Variants in SLC5A9 observed in about 807,000 individuals in gnomAD.
SLC5A9 encodes the protein solute carrier family 5 member 9.
SLC5A9 carries 59 observed loss-of-function variants against 70.9 expected under a neutral mutation model. The observed-to-expected ratio is 0.83, with a 90% CI of 0.68 to 1.03. The LOEUF is 1.03. Among genes scored for constraint, SLC5A9 ranks in the 50% least tolerant of loss-of-function variants. The probability of loss-of-function intolerance (pLI) is 0.00; values close to 1 mark genes in which losing one functional copy is unlikely to be tolerated. For missense variants in SLC5A9, 832 were observed against 881.1 expected (o/e 0.94, Z 0.71); for synonymous variants, 340 against 346.5 (o/e 0.98, Z 0.21).
At position 48,222,814 on chromosome 1, in the gene SLC5A9, A is replaced by T; in HGVS notation, c.78A>T (p.Ala26=). 6.2e-7 allele frequency: 1 copy of T among 1,614,132 alleles called. No individual in the cohort carries two copies. The highest frequency in any genetic ancestry group is 8.5e-7 in the Non-Finnish European group (1 of 1,180,008). The stretch of plus-strand genomic sequence containing the variant: ...GGACTGAGACAGCTCCACACATAGC[A>T]CTGGACTCCAGAGTTGGTCTGCACG... ...GVRTETAPHI[A]LDSRVGLHAY... is the part of the protein sequence containing the mutation. The change falls in exon 1 of 14, where the codon GCA becomes GCT. Residue 26 remains alanine, a synonymous_variant. Coordinates refer to ENST00000438567, the MANE Select transcript of SLC5A9 (RefSeq NM_001011547.3).
In SLC5A9 at chr1:48,229,196, C is replaced by T. The variant is rs749180360; in HGVS notation, c.340-99C>T. 7.2e-5 allele frequency: 116 copies of T among 1,613,848 alleles called. 1 individual carries two copies. The highest frequency in any genetic ancestry group is 4.8e-4 in the South Asian group (44 of 91,060). ...GTCCCAGGTCTCTTATTTCTCTGTT[C>T]GGGGGCCTCCCACAGCACAGCACTG... On this transcript the variant is annotated intron_variant, in intron 3 of 13. Coordinates refer to ENST00000438567, the MANE Select transcript of SLC5A9 (RefSeq NM_001011547.3).
At chr1:48,226,834 TGGGGGAG>T (rs968116751) in intron 2 of SLC5A9, among the ~76,000 whole-genome samples, 1 of 152,144 alleles carries the variant, frequency 6.6e-6, no homozygotes, top group African/African-American at 2.4e-5. Context: ...AAGAACTGCC[TGGGGGAG>T]GCTTCTTCCC....
chr1:48,244,280 G>C (rs1644424588), intron 13 of SLC5A9, among the ~76,000 whole-genome samples: 1 of 152,140 alleles, frequency 6.6e-6, no homozygotes, highest in Admixed American at 6.5e-5. Context: ...GCACAGACAG[G>C]ATTAGCAAAG....
At chr1:48,241,207 T>C (rs1156880481) in intron 12 of SLC5A9, 2 of 152,232 alleles carry the variant, frequency 1.3e-5, no homozygotes, top group South Asian at 2.1e-4. Flanking sequence ...ACTTTCTATA[T>C]AAAGGTGACC....
At position 48,247,776 on chromosome 1, in the gene SLC5A9, TC is replaced by T; in HGVS notation, c.*237del. 1 of 574,372 alleles carries T rather than the reference TC, an allele frequency of 1.7e-6. No homozygotes were observed. The highest frequency in any genetic ancestry group is 3.0e-5 in the Admixed American group (1 of 33,420). The allele number at this position is 574,372 out of a possible 1,614,324, so 35.6% of individuals were successfully genotyped here. A position where few individuals can be genotyped will look rare whatever the true frequency, so the allele number is the denominator to read the frequency against. ...CACCCAGAAGGTGTCACACGGGGTT[TC>T]CCCACTCTTTCTGATATATTGCCTT... On this transcript the variant is annotated 3_prime_UTR_variant, in exon 14 of 14. Coordinates refer to ENST00000438567, the MANE Select transcript of SLC5A9 (RefSeq NM_001011547.3).
chr1:48,231,745 C>T (rs1260915678), intron 6 of SLC5A9, 120 bp downstream of exon 6: 2 of 1,518,798 alleles, frequency 1.3e-6, no homozygotes, highest in Admixed American at 2.0e-5. Context: ...AGCCATGTCC[C>T]CTCTCCAGGC....
At chr1:48,226,316 G>T in intron 2 of SLC5A9, among the ~76,000 whole-genome samples, 1 of 152,186 alleles carries the variant, frequency 6.6e-6, no homozygotes. Flanking sequence ...CCTGCTGATT[G>T]TCTGGTCAAC....
chr1:48,227,558 ATGTGTGTCAGAGTGTGTG>A (rs1644180884), intron 2 of SLC5A9, among the ~76,000 whole-genome samples: 1 of 97,514 alleles, frequency 1.0e-5, no homozygotes, highest in Admixed American at 1.0e-4. Context: ...GTGTGAGTGC[ATGTGTGTCAGAGTGTGTG>A]TGTGTGTACT....
chr1:48,228,670 C>A (rs544225291), intron 2 of SLC5A9, 180 bp from the exon 3 acceptor site: 2 of 1,000,174 alleles, frequency 2.0e-6, no homozygotes, highest in South Asian at 1.8e-5. Context: ...TCCTCTGTAA[C>A]CTGGGATGAC....
In SLC5A9 at chr1:48,231,598, G is replaced by A. The variant is rs1474419651; in HGVS notation, c.664G>A (p.Gly222Arg). The change falls in exon 6 of 14, where the codon GGG becomes AGG. Residue 222 changes from glycine (G) to arginine (R), a missense_variant. By Grantham distance (125) the Gly-to-Arg change is moderately radical. Transcript: ENST00000438567. Reference protein sequence around the residue: ...TDALQTVIMVGGALVLMFLGF... With the variant: ...TDALQTVIMVRGALVLMFLGF... The stretch of plus-strand genomic sequence containing the variant: ...TGCTCTGCAGACGGTGATCATGGTA[G>A]GGGGAGCCCTGGTCCTCATGTTTCT... 1 of 1,614,142 alleles carries A rather than the reference G, an allele frequency of 6.2e-7. No homozygotes were observed. The highest frequency in any genetic ancestry group is 1.1e-5 in the South Asian group (1 of 91,078).
intron 2 of SLC5A9, among the ~76,000 whole-genome samples, chr1:48,227,569 AGTGT>A (rs752449885): frequency 1.2e-3 from 101 of 87,120 alleles, no homozygotes; most frequent in African/African-American, 4.2e-3. Flanking sequence ...TGTGTGTCAG[AGTGT>A]GTGTGTGTGT....
In SLC5A9 at chr1:48,244,879, T is replaced by C. The variant is rs1416867572; in HGVS notation, c.1837+2263T>C. Among the ~76,000 whole-genome samples the C allele has an allele frequency of 1.2e-3, 8 of 6,952 alleles. 2 individuals carry two copies. Among genetic ancestry groups the C allele is most frequent in the Admixed American group, 2.9e-3 (1 of 348 alleles). The allele number at this position is 6,952 out of a possible 152,430, so 4.6% of individuals were successfully genotyped here. A position where few individuals can be genotyped will look rare whatever the true frequency, so the allele number is the denominator to read the frequency against. On this transcript the variant is annotated intron_variant, in intron 13 of 13. Transcript: ENST00000438567. ...GTGTGTGTGTATGTATGTGTATGTG[T>C]ATATATATATATATATATATATATA...
intron 9 of SLC5A9, 113 bp downstream of exon 9, chr1:48,233,875 A>G: frequency 1.3e-6 from 1 of 752,856 alleles, no homozygotes; most frequent in Non-Finnish European, 2.3e-6. Context: ...AAAACTATTC[A>G]CCTCTGCACC....
chr1:48,230,490 G>GT, intron 4 of SLC5A9, 110 bp from the exon 5 acceptor site: 1 of 721,032 alleles, frequency 1.4e-6, no homozygotes, highest in South Asian at 1.6e-5. Context: ...TTTTCATCAT[G>GT]TGATGAGGGC....
At position 48,242,249 on chromosome 1, in the gene SLC5A9, G is replaced by C. The variant is rs1430636018; in HGVS notation, c.1678-208G>C. On this transcript the variant is annotated intron_variant, in intron 12 of 13. Coordinates refer to ENST00000438567, the MANE Select transcript of SLC5A9 (RefSeq NM_001011547.3). ...TTCCAGCACCTAGCACAAGCCTGGG[G>C]TAGAGCACCTGGTGTAGAGCAGGAA... 5.1e-6 allele frequency: 3 copies of C among 585,140 alleles called. No homozygotes were observed. The East Asian group carries it at 9.0e-5, about 18-fold the overall frequency. 36.2% of individuals were successfully genotyped at this position (585,140 alleles called of 1,614,324 possible).
chr1:48,240,042 A>T (rs1644374605), intron 12 of SLC5A9, among the ~76,000 whole-genome samples: 1 of 152,238 alleles, frequency 6.6e-6, no homozygotes, highest in Non-Finnish European at 1.5e-5. Flanking sequence ...GAAGAACTCA[A>T]ATTGAAATCC....
In SLC5A9 at chr1:48,239,170, T is replaced by C. The variant is rs558401575; in HGVS notation, c.1462-152T>C. ...CCTTTAAGTCAAGACGAAGTCTCAG[T>C]ATTAATGGAGAACTCATTTTCCCAT... On this transcript the variant is annotated intron_variant, in intron 11 of 13. Transcript: ENST00000438567. This position sits in a 1 kb window ranked among gnomAD's most constrained non-coding sequence, Gnocchi z 4.2. 1 of 624,000 alleles carries C rather than the reference T, an allele frequency of 1.6e-6. No individual in the cohort carries two copies. The highest frequency in any genetic ancestry group is 2.9e-6 in the Non-Finnish European group (1 of 349,148). 38.7% of individuals were successfully genotyped at this position (624,000 alleles called of 1,614,324 possible). A position where few individuals can be genotyped will look rare whatever the true frequency, so the allele number is the denominator to read the frequency against.
intron 8 of SLC5A9, among the ~76,000 whole-genome samples, chr1:48,232,890 A>AAAGG (rs1342871215): frequency 1.4e-5 from 2 of 146,956 alleles, no homozygotes; most frequent in Non-Finnish European, 3.0e-5. Context: ...AAAGAAAAAG[A>AAAGG]AAGGAAGGAA....
At position 48,242,517 on chromosome 1, in the gene SLC5A9, C is replaced by T; in HGVS notation, c.1738C>T (p.His580Tyr). 2 of 1,613,650 alleles carry T rather than the reference C, an allele frequency of 1.2e-6. No homozygotes were observed. The highest frequency in any genetic ancestry group is 3.3e-4 in the Middle Eastern group (2 of 6,058). ...CPLSELEKEA[H>Y]ESTPEISERP... ...CCTCTCTGAGCTGGAGAAGGAGGCC[C>T]ACGAGAGCACACCGGAGATATCCGA... Residue 580 changes from histidine to tyrosine, a missense_variant, in exon 13 of 14, where the codon CAC (histidine) becomes TAC (tyrosine). By Grantham distance (83) the His-to-Tyr change is moderately conservative. Transcript: ENST00000438567.
Sources: allele counts gnomAD v4.1 joint callset (sites outside exome capture counted in the v4.1 genomes callset), GRCh38; gene constraint gnomAD v4.1.1; non-coding constraint Gnocchi (gnomAD v3.1); transcripts MANE v1.5; gene names NCBI Gene and HGNC (gene_info 2026-07-23, HGNC 2026-07-21).